The following PITPNM3 variants were observed in gnomAD, a reference collection of about 807,000 sequenced individuals.
The protein encoded by PITPNM3 is PITPNM family member 3.
A neutral mutation model predicts 102.0 loss-of-function variants in PITPNM3; 26 were observed. That is an observed-to-expected ratio of 0.25 (90% CI 0.19 to 0.35). PITPNM3 has a LOEUF of 0.35. Ranked by LOEUF, PITPNM3 falls within the 10% of genes least tolerant of loss-of-function variation. The pLI, the probability that PITPNM3 is intolerant of heterozygous loss-of-function variation, is 1.00. For synonymous variants in PITPNM3, 578 were observed against 558.6 expected (o/e 1.03, Z -0.49); for missense variants, 1,083 against 1,346.1 (o/e 0.80, Z 3.06).
At chr17:6,500,670 T>C (rs930347731) in intron 4 of PITPNM3, among the ~76,000 whole-genome samples, 2 of 149,312 alleles carry the variant, frequency 1.3e-5, no homozygotes, top group Non-Finnish European at 1.5e-5. Flanking sequence ...CTTTGCTAAA[T>C]AAGAACACTC....
chr17:6,466,135 C>T (rs916675903), intron 14 of PITPNM3, among the ~76,000 whole-genome samples: 1 of 152,216 alleles, frequency 6.6e-6, no homozygotes, highest in African/African-American at 2.4e-5. Context: ...CAGCAGCCTC[C>T]AGGCCTTTGC....
Position 6,523,796 on chromosome 17 carries a change from A to G in PITPNM3, c.226+1560T>C, listed in dbSNP as rs868083778. 5.3e-5 allele frequency among the ~76,000 whole-genome samples: 8 copies of G among 152,326 alleles called. No homozygotes were observed. In the South Asian group the frequency reaches 1.2e-3, roughly 24 times the overall value. On this transcript the variant is annotated intron_variant, in intron 3 of 19. Transcript: ENST00000262483. ...TGTCTCTGGATTGCCCTTGGGGGCC[A>G]GAGTCAGAGCCCCCCCTTCTCGTGG...
chr17:6,543,589 T>G (rs967377501), intron 1 of PITPNM3, among the ~76,000 whole-genome samples: 8 of 152,238 alleles, frequency 5.3e-5, no homozygotes, highest in African/African-American at 1.9e-4. Context: ...TTGGGCCAGA[T>G]GGTGCCAGGA....
At chr17:6,544,259 G>A (rs895091914) in intron 1 of PITPNM3, among the ~76,000 whole-genome samples, 9 of 152,306 alleles carry the variant, frequency 5.9e-5, no homozygotes, top group South Asian at 2.1e-4. Flanking sequence ...GCATGGTGCC[G>A]CACACTTGTA....
At chr17:6,523,575 T>G (rs1372233855) in intron 3 of PITPNM3, among the ~76,000 whole-genome samples, 1 of 152,094 alleles carries the variant, frequency 6.6e-6, no homozygotes, top group African/African-American at 2.4e-5. Context: ...AGCAGACAAG[T>G]GGGGATGGGG....
intron 2 of PITPNM3, among the ~76,000 whole-genome samples, chr17:6,532,797 T>C (rs1909212420): frequency 6.6e-6 from 1 of 152,094 alleles, no homozygotes. Flanking sequence ...GGACAAATGC[T>C]TTCTTTTTCT....
chr17:6,462,362 G>A (rs939094004), intron 17 of PITPNM3, among the ~76,000 whole-genome samples: 2 of 152,066 alleles, frequency 1.3e-5, no homozygotes, highest in South Asian at 2.1e-4. Flanking sequence ...TGCCTCTGTG[G>A]CCATGTCTCT....
Position 6,535,591 on chromosome 17 carries a change from G to A in PITPNM3, c.118+2396C>T, listed in dbSNP as rs1206126386. 3.3e-5 allele frequency among the ~76,000 whole-genome samples: 5 copies of A among 152,110 alleles called. 1 individual carries two copies. The highest frequency in any genetic ancestry group is 3.3e-4 in the Admixed American group (5 of 15,278). On this transcript the variant is annotated intron_variant, in intron 2 of 19. Coordinates refer to ENST00000262483, the MANE Select transcript of PITPNM3 (RefSeq NM_031220.4). ...GGAGAGGCAGAAGATGGGGAAAGACGGGAGAGTCTGGGATCCCGAAAAAAG... is the reference window on the plus strand; with the variant it reads ...GGAGAGGCAGAAGATGGGGAAAGACAGGAGAGTCTGGGATCCCGAAAAAAG...
intron 1 of PITPNM3, among the ~76,000 whole-genome samples, chr17:6,550,732 G>A (rs1417162037): frequency 6.6e-6 from 1 of 152,218 alleles, no homozygotes; most frequent in Admixed American, 6.5e-5. Flanking sequence ...AGTGGCTGGG[G>A]CAGGGACACT....
In PITPNM3 at chr17:6,463,833, G is replaced by A. The variant is rs2150717910; in HGVS notation, c.2205C>T (p.Gly735=). Residue 735 remains glycine, a synonymous_variant, in exon 17 of 20, where the codon GGC becomes GGT. Transcript: ENST00000262483. ...AMSYLTVLPR[G]MECVVFSIDG... ...CAATGCTGAACACTACACACTCCATGCCCCTGGGCAACACCGTGAGGTAGC... is the reference window on the plus strand; with the variant it reads ...CAATGCTGAACACTACACACTCCATACCCCTGGGCAACACCGTGAGGTAGC... The A allele has an allele frequency of 1.2e-6, 2 of 1,613,982 alleles. No homozygotes were observed. Among genetic ancestry groups the A allele is most frequent in the Middle Eastern group, 1.7e-4 (1 of 5,974 alleles).
intron 1 of PITPNM3, among the ~76,000 whole-genome samples, chr17:6,541,657 C>T (rs1909740527): frequency 1.3e-5 from 2 of 151,978 alleles, no homozygotes; most frequent in Admixed American, 1.3e-4. Context: ...GGGGAGGGGA[C>T]CACAAGTCAG....
chr17:6,525,338 A>C lies in PITPNM3; in HGVS notation c.226+18T>G, dbSNP rs1908764825. The C allele has an allele frequency of 6.2e-7, 1 of 1,609,348 alleles. No individual in the cohort carries two copies. Among genetic ancestry groups the C allele is most frequent in the Non-Finnish European group, 8.5e-7 (1 of 1,175,792 alleles). On this transcript the variant is annotated intron_variant, in intron 3 of 19. Coordinates refer to ENST00000262483, the MANE Select transcript of PITPNM3 (RefSeq NM_031220.4). ...CACCTATGTGCACATCCTGGTCATG[A>C]GAGAAGCAGAGTCTCACCTTGATGC...
chr17:6,538,887 G>C (rs760086933), intron 1 of PITPNM3, among the ~76,000 whole-genome samples: 2 of 152,136 alleles, frequency 1.3e-5, no homozygotes, highest in Non-Finnish European at 1.5e-5. Flanking sequence ...GCAGTCCTTC[G>C]AGATACCTGC....
chr17:6,524,860 C>G (rs1908737286), intron 3 of PITPNM3, among the ~76,000 whole-genome samples: 2 of 152,284 alleles, frequency 1.3e-5, no homozygotes, highest in Admixed American at 1.3e-4. Context: ...AACTCCTGGT[C>G]AAAACTCTTC....
At chr17:6,487,764 T>C (rs976723908) in intron 4 of PITPNM3, among the ~76,000 whole-genome samples, 12 of 152,112 alleles carry the variant, frequency 7.9e-5, no homozygotes, top group African/African-American at 2.4e-4. Flanking sequence ...TCGCGACCCA[T>C]GTGATGCTCT....
Position 6,470,497 on chromosome 17 carries a change from G to C in PITPNM3, c.1625-89C>G. The C allele has an allele frequency of 1.3e-6, 2 of 1,576,142 alleles. No individual in the cohort carries two copies. The highest frequency in any genetic ancestry group is 4.5e-5 in the East Asian group (2 of 44,574). On this transcript the variant is annotated intron_variant, in intron 12 of 19. Coordinates refer to ENST00000262483, the MANE Select transcript of PITPNM3 (RefSeq NM_031220.4). The surrounding 1 kb of genome is among the most constrained non-coding windows in gnomAD (Gnocchi z 4.8). ...GGGTCTCCCATTGCACAGACTGGTG[G>C]TGGATGCCCCACGTGGGGCACGGGT...
Position 6,459,534 on chromosome 17 carries a change from T to C in PITPNM3, c.2491-1812A>G, listed in dbSNP as rs932273916. Among the ~76,000 whole-genome samples the C allele has an allele frequency of 6.6e-6, 1 of 152,090 alleles. No homozygotes were observed. Among genetic ancestry groups the C allele is most frequent in the African/African-American group, 2.4e-5 (1 of 41,416 alleles). On this transcript the variant is annotated intron_variant, in intron 18 of 19. Transcript: ENST00000262483. The surrounding 1 kb of genome is among the most constrained non-coding windows in gnomAD (Gnocchi z 5.0). ...TGCAGCCCAGAACTACCCTAAGCCA[T>C]ATCAGGTCCCGTGGCTGTATCAGCC...
intron 1 of PITPNM3, among the ~76,000 whole-genome samples, chr17:6,543,658 C>T (rs1909852381): frequency 6.6e-6 from 1 of 152,308 alleles, no homozygotes; most frequent in African/African-American, 2.4e-5. Flanking sequence ...AAATGCCAGC[C>T]CTGGGGGCAC....
Position 6,525,378 on chromosome 17 carries a change from C to T in PITPNM3, c.204G>A (p.Met68Ile). The T allele has an allele frequency of 6.2e-7, 1 of 1,614,196 alleles. No individual in the cohort carries two copies. The highest frequency in any genetic ancestry group is 8.5e-7 in the Non-Finnish European group (1 of 1,180,016). Residue 68 changes from methionine to isoleucine, a missense_variant, in exon 3 of 20, where the codon ATG becomes ATA. Physicochemically the swap from Met to Ile is conservative, Grantham distance 10. Coordinates refer to ENST00000262483, the MANE Select transcript of PITPNM3 (RefSeq NM_031220.4). ...SNDLVEQIET[M>I]GKLDEHQGEG... ...CACCTTGATGCTCGTCCAGTTTCCCCATGGTCTCGATCTGCTCCACGAGGT... is the reference window on the plus strand; with the variant it reads ...CACCTTGATGCTCGTCCAGTTTCCCTATGGTCTCGATCTGCTCCACGAGGT...
Sources: gnomAD v4.1 joint callset for allele counts (sites outside exome capture counted in the v4.1 genomes callset) on GRCh38, gnomAD v4.1.1 for gene constraint, Gnocchi (gnomAD v3.1) non-coding constraint, MANE v1.5 for transcripts, NCBI Gene and HGNC (gene_info 2026-07-23, HGNC 2026-07-21) for gene names.